NUP214: variants seen among roughly 807,000 people sequenced by gnomAD.
The protein encoded by NUP214 is nucleoporin 214, also known as nuclear pore complex protein Nup214.
A neutral mutation model predicts 196.2 loss-of-function variants in NUP214; 79 were observed. That is an observed-to-expected ratio of 0.40 (90% CI 0.34 to 0.49). The LOEUF is 0.49. Among genes scored for constraint, NUP214 ranks in the 20% least tolerant of loss-of-function variants. NUP214 has a pLI of 0.58. For missense variants in NUP214, 2,468 were observed against 2,539.0 expected (o/e 0.97, Z 0.60); for synonymous variants, 1,020 against 990.5 (o/e 1.03, Z -0.56).
rs1327616125 is a variant in NUP214, at chr9:131,201,644, C to T, written c.5522-3C>T. The T allele has an allele frequency of 5.0e-6, 8 of 1,611,402 alleles. No homozygotes were observed. The highest frequency in any genetic ancestry group is 6.8e-6 in the Non-Finnish European group (8 of 1,178,136). ...GAATTTTTGTTTTCTTTGTATTTTA[C>T]AGGTTTTGGGTCTAGTAATACTGGT... On this transcript the variant is annotated splice_region_variant and splice_polypyrimidine_tract_variant and intron_variant, in intron 29 of 35. Transcript: ENST00000359428.
At position 131,222,848 on chromosome 9, in the gene NUP214, G is replaced by A; in HGVS notation, c.5820G>A (p.Glu1940=). 6.2e-7 allele frequency: 1 copy of A among 1,614,230 alleles called. No individual in the cohort carries two copies. Among genetic ancestry groups the A allele is most frequent in the Middle Eastern group, 1.7e-4 (1 of 6,060 alleles). The change falls in exon 32 of 36, where the codon GAG becomes GAA. Residue 1940 remains glutamate (E), a synonymous_variant. Transcript: ENST00000359428. Reference sequence around the variant, plus strand: ...GATTTGCCAGCTCGTCGTTTGGAGAGCAGAAACCCACTGGCACTTTCAGCT... The same window carrying A: ...GATTTGCCAGCTCGTCGTTTGGAGAACAGAAACCCACTGGCACTTTCAGCT... The part of the protein sequence containing the change: ...FGGFASSSFG[E]QKPTGTFSSG...
At chr9:131,197,102 C>G in intron 28 of NUP214, 114 bp from the exon 29 acceptor site, 1 of 1,443,856 alleles carries the variant, frequency 6.9e-7, no homozygotes, top group African/African-American at 1.4e-5. Context: ...AACAAGGCAC[C>G]CTGACTCTGT....
intron 23 of NUP214, among the ~76,000 whole-genome samples, chr9:131,176,129 G>A (rs1268333771): frequency 6.6e-6 from 1 of 151,820 alleles, no homozygotes; most frequent in South Asian, 2.1e-4. Context: ...ACCACCCTAG[G>A]CAACATAGTG....
At position 131,218,589 on chromosome 9, in the gene NUP214, G is replaced by A. The variant is rs536223255; in HGVS notation, c.5749+3221G>A. On this transcript the variant is annotated intron_variant, in intron 31 of 35. Coordinates refer to ENST00000359428, the MANE Select transcript of NUP214 (RefSeq NM_005085.4). ...CCCCTCACCAACCCCCGCACTCCCC[G>A]CCCCATTTTGCTATGGGGCATTCCC... 2.4e-4 allele frequency among the ~76,000 whole-genome samples: 33 copies of A among 134,762 alleles called. 1 individual carries two copies. The South Asian group carries it at 8.8e-3, about 36-fold the overall frequency. The allele number at this position is 134,762 out of a possible 152,430, so 88.4% of individuals were successfully genotyped here.
intron 24 of NUP214, among the ~76,000 whole-genome samples, chr9:131,184,299 G>A (rs1192837983): frequency 6.9e-6 from 1 of 145,492 alleles, no homozygotes; most frequent in Non-Finnish European, 1.5e-5. Flanking sequence ...CCAAATGCTG[G>A]GACTACACGC....
chr9:131,159,926 T>C (rs1346089705), intron 18 of NUP214, among the ~76,000 whole-genome samples: 1 of 151,912 alleles, frequency 6.6e-6, no homozygotes, highest in Admixed American at 6.6e-5. Context: ...TCATTCTACT[T>C]GAAATATTTT....
intron 6 of NUP214, 27 bp from the exon 7 acceptor site, chr9:131,133,079 A>G (rs545215220): frequency 6.6e-7 from 1 of 1,522,996 alleles, no homozygotes; most frequent in Admixed American, 1.7e-5. Flanking sequence ...CATTTTTATG[A>G]GCTACTGATT....
Position 131,198,432 on chromosome 9 carries a change from T to G in NUP214, c.4938T>G (p.Ala1646=). Residue 1646 remains alanine, a synonymous_variant, in exon 29 of 36, where the codon GCT becomes GCG. Coordinates refer to ENST00000359428, the MANE Select transcript of NUP214 (RefSeq NM_005085.4). The part of the protein sequence containing the change: ...GTVTSGSSVF[A]QPPAASSSSA... ...TCACTTCTGGCTCATCCGTCTTTGC[T>G]CAGCCTCCTGCTGCCAGTTCTAGCT... 1.2e-6 allele frequency: 2 copies of G among 1,614,224 alleles called. No individual in the cohort carries two copies. Among genetic ancestry groups the G allele is most frequent in the African/African-American group, 1.3e-5 (1 of 75,048 alleles).
In NUP214 at chr9:131,138,144, CTCT is replaced by C. The variant is rs1831793889; in HGVS notation, c.1006-1135_1006-1133del. 2.0e-5 allele frequency among the ~76,000 whole-genome samples: 3 copies of C among 151,974 alleles called. No homozygotes were observed. The South Asian group carries it at 6.2e-4, about 32-fold the overall frequency. Reference sequence around the variant, plus strand: ...TTTCTTGCTTGCTTTCTCTCTCTCTCTCTTTTTTCTTCTTCCTTCCTTCCTTCT... The same window carrying C: ...TTTCTTGCTTGCTTTCTCTCTCTCTCTTTTTCTTCTTCCTTCCTTCCTTCT... On this transcript the variant is annotated intron_variant, in intron 9 of 35. Transcript: ENST00000359428.
Position 131,193,629 on chromosome 9 carries a change from C to CTTTTTTTTTTTTTTTTTTTTTTTTT in NUP214, c.3659+1346_3659+1370dup, listed in dbSNP as rs71389402. ...GTGAAATGATATTCTTCTTCCTTTT[C>CTTTTTTTTTTTTTTTTTTTTTTTTT]TTTTTTTTTTTTTTTTTTTTTTTTT... On this transcript the variant is annotated intron_variant, in intron 27 of 35. Transcript: ENST00000359428. 4.0e-3 allele frequency among the ~76,000 whole-genome samples: 114 copies of CTTTTTTTTTTTTTTTTTTTTTTTTT among 28,228 alleles called. 47 individuals carry two copies. The highest frequency in any genetic ancestry group is 6.0e-3 in the East Asian group (5 of 832). The allele number at this position is 28,228 out of a possible 152,430, so 18.5% of individuals were successfully genotyped here. A position where few individuals can be genotyped will look rare whatever the true frequency, so the allele number is the denominator to read the frequency against.
At chr9:131,147,786 T>C (rs183545556) in intron 14 of NUP214, among the ~76,000 whole-genome samples, 3 of 152,350 alleles carry the variant, frequency 2.0e-5, no homozygotes, top group Non-Finnish European at 4.4e-5. Context: ...TTTTTATTCA[T>C]GTATAATACA....
At chr9:131,209,791 C>G (rs150086760) in intron 30 of NUP214, among the ~76,000 whole-genome samples, 1 of 152,186 alleles carries the variant, frequency 6.6e-6, no homozygotes, top group Non-Finnish European at 1.5e-5. Flanking sequence ...AGCTCTCCCC[C>G]GCTAATCCTC....
intron 28 of NUP214, among the ~76,000 whole-genome samples, chr9:131,196,262 G>A (rs969538897): frequency 8.6e-5 from 13 of 151,748 alleles, no homozygotes; most frequent in Admixed American, 2.6e-4. Flanking sequence ...GGGTTCCAGC[G>A]ATTCTCCTGC....
chr9:131,175,433 C>G, intron 22 of NUP214, 27 bp from the exon 23 acceptor site: 1 of 1,613,294 alleles, frequency 6.2e-7, no homozygotes, highest in Non-Finnish European at 8.5e-7. Flanking sequence ...CTCACCCACT[C>G]ACACTTAATT....
At chr9:131,135,417 A>G (rs1831693523) in intron 8 of NUP214, among the ~76,000 whole-genome samples, 1 of 152,174 alleles carries the variant, frequency 6.6e-6, no homozygotes. Context: ...GATGCCTTGA[A>G]CATATTTTCA....
At chr9:131,179,042 G>T (rs1435483210) in intron 24 of NUP214, among the ~76,000 whole-genome samples, 2 of 152,040 alleles carry the variant, frequency 1.3e-5, no homozygotes, top group Admixed American at 1.3e-4. Flanking sequence ...GCCCAGACTG[G>T]AGTGCAGAGT....
intron 14 of NUP214, 99 bp downstream of exon 14, chr9:131,147,683 T>C: frequency 1.1e-6 from 1 of 913,370 alleles, no homozygotes; most frequent in East Asian, 2.5e-5. Flanking sequence ...AATTCAGACC[T>C]TGGACATAGT....
rs762851520 is a variant in NUP214 at position 131,197,559 on chromosome 9, A to G, written c.4065A>G (p.Thr1355=). 2 of 1,614,150 alleles carry G rather than the reference A, an allele frequency of 1.2e-6. No individual in the cohort carries two copies. The highest frequency in any genetic ancestry group is 1.1e-5 in the South Asian group (1 of 91,086). Residue 1355 remains threonine, a synonymous_variant, in exon 29 of 36, where the codon ACA becomes ACG. Coordinates refer to ENST00000359428, the MANE Select transcript of NUP214 (RefSeq NM_005085.4). Reference sequence around the variant, plus strand: ...AACCAACCAATAAGGCTTCATCCACAAGCCTAACTAGTACCCAGCCAACCA... The same window carrying G: ...AACCAACCAATAAGGCTTCATCCACGAGCCTAACTAGTACCCAGCCAACCA... ...STKPTNKASS[T]SLTSTQPTKT...
At chr9:131,144,867 C>T in intron 12 of NUP214, 113 bp downstream of exon 12, 1 of 812,810 alleles carries the variant, frequency 1.2e-6, no homozygotes, top group Middle Eastern at 2.4e-4. Flanking sequence ...TTTTTTTACC[C>T]AGAGTGATAC....
Sources: allele counts gnomAD v4.1 joint callset (sites outside exome capture counted in the v4.1 genomes callset), GRCh38; gene constraint gnomAD v4.1.1; transcripts MANE v1.5; gene names NCBI Gene and HGNC (gene_info 2026-07-23, HGNC 2026-07-21).